The following UTP20 variants were observed in gnomAD, a reference collection of about 807,000 sequenced individuals.
UTP20 encodes UTP20 small subunit processome component.
Under a neutral mutation model 329.5 loss-of-function variants are expected in UTP20, and 164 were observed. That is an observed-to-expected ratio of 0.50 (90% CI 0.44 to 0.57). The LOEUF is 0.57. Ranked by LOEUF, UTP20 falls within the 20% of genes least tolerant of loss-of-function variation. The pLI, the probability that UTP20 is intolerant of heterozygous loss-of-function variation, is 0.00. For synonymous variants in UTP20, 1,151 were observed against 1,159.3 expected (o/e 0.99, Z 0.14); for missense variants, 3,055 against 3,284.2 (o/e 0.93, Z 1.71).
At chr12:101,377,937 C>T (rs1257164316) in intron 56 of UTP20, among the ~76,000 whole-genome samples, 1 of 152,122 alleles carries the variant, frequency 6.6e-6, no homozygotes, top group Non-Finnish European at 1.5e-5. Flanking sequence ...ATGTTAGGGT[C>T]TCAGCTGGGC....
At position 101,383,072 on chromosome 12, in the gene UTP20, T is replaced by G; in HGVS notation, c.7688T>G (p.Val2563Gly). 6.2e-7 allele frequency: 1 copy of G among 1,608,668 alleles called. No homozygotes were observed. The highest frequency in any genetic ancestry group is 8.5e-7 in the Non-Finnish European group (1 of 1,178,662). The change falls in exon 59 of 62, where the codon GTC (valine) becomes GGC (glycine). Residue 2563 changes from valine to glycine, a missense_variant. Physicochemically the swap from Val to Gly is moderately radical, Grantham distance 109. This residue lies in a region of UTP20 where 337 missense variants were observed against 345.5 expected (regional missense o/e 0.98). Transcript: ENST00000261637. ...AAGAATTTGTTGTTCGCAGCCAAAGTCTTGTATTTACTGGAACTTTATTGT... is the reference window on the plus strand; with the variant it reads ...AAGAATTTGTTGTTCGCAGCCAAAGGCTTGTATTTACTGGAACTTTATTGT... ...VVKNLLFAAK[V>G]LYLLELYCED...
chr12:101,384,110 G>T (rs985867503), intron 60 of UTP20, among the ~76,000 whole-genome samples: 11 of 152,152 alleles, frequency 7.2e-5, no homozygotes, highest in Non-Finnish European at 1.3e-4. Context: ...GTCCCAGAAA[G>T]AATGTTTCTC....
chr12:101,307,091 T>C (rs1428119116), intron 17 of UTP20, among the ~76,000 whole-genome samples: 1 of 148,500 alleles, frequency 6.7e-6, no homozygotes, highest in East Asian at 2.0e-4. Flanking sequence ...GGCAGGAGAA[T>C]GGTGTGAACC....
intron 2 of UTP20, among the ~76,000 whole-genome samples, chr12:101,282,477 T>C (rs1273578676): frequency 2.0e-5 from 3 of 152,008 alleles, no homozygotes; most frequent in Non-Finnish European, 4.4e-5. Flanking sequence ...TTTTTTTGTA[T>C]TCATGGTGAC....
chr12:101,295,224 T>G (rs1252138522), intron 11 of UTP20, among the ~76,000 whole-genome samples: 2 of 152,182 alleles, frequency 1.3e-5, no homozygotes, highest in Admixed American at 1.3e-4. Flanking sequence ...TGAGATTTAA[T>G]ACATCTGAAA....
chr12:101,353,156 A>G, intron 40 of UTP20, 27 bp downstream of exon 40: 1 of 1,480,390 alleles, frequency 6.8e-7, no homozygotes, highest in Non-Finnish European at 9.4e-7. Flanking sequence ...TTCTTAAACA[A>G]GATTTTCATC....
At position 101,314,519 on chromosome 12, in the gene UTP20, G is replaced by A. The variant is rs1165759865; in HGVS notation, c.2552+2243G>A. On this transcript the variant is annotated intron_variant, in intron 21 of 61. Coordinates refer to ENST00000261637, the MANE Select transcript of UTP20 (RefSeq NM_014503.3). ...TAAAAATACAAAAAATTAGCTAGGC[G>A]TGGTGGTGGGTGCCTGTAGTCCCAG... is the stretch of plus-strand genomic sequence containing the variant. Among the ~76,000 whole-genome samples, 12 of 152,068 alleles carry A rather than the reference G, an allele frequency of 7.9e-5. No individual in the cohort carries two copies. In the South Asian group the frequency reaches 1.5e-3, roughly 18 times the overall value.
At position 101,286,446 on chromosome 12, in the gene UTP20, C is replaced by G. The variant is rs376796297; in HGVS notation, c.452C>G (p.Ser151Trp). Reference protein sequence around the residue: ...DTELLEWAFTSLSYLYKYLWR... With the variant: ...DTELLEWAFTWLSYLYKYLWR... ...GAGTTGTTAGAATGGGCTTTCACCT[C>G]GTTATCATATCTTTATAAGTACCTG... Residue 151 changes from serine to tryptophan, a missense_variant, in exon 5 of 62, where the codon TCG becomes TGG. Ser to Trp is a radical substitution (Grantham distance 177). Transcript: ENST00000261637. The G allele has an allele frequency of 1.2e-6, 2 of 1,613,706 alleles. No homozygotes were observed. The highest frequency in any genetic ancestry group is 1.7e-6 in the Non-Finnish European group (2 of 1,179,904).
chr12:101,342,918 A>T, intron 34 of UTP20, 23 bp from the exon 35 acceptor site: 1 of 1,609,542 alleles, frequency 6.2e-7, no homozygotes, highest in Non-Finnish European at 8.5e-7. Flanking sequence ...TCTTTTATAT[A>T]ACTTCAATGG....
chr12:101,371,078 G>A lies in UTP20; in HGVS notation c.6708G>A (p.Leu2236=). ...CTTAGGCAATTTTATCAAGAAAGCT[G>A]TTGGTCCCAGAAATCGATGAGGTCA... The part of the protein sequence containing the change: ...GLLKAILSRK[L]LVPEIDEVMR... Residue 2236 remains leucine, a synonymous_variant, in exon 51 of 62, where the codon CTG becomes CTA. Coordinates refer to ENST00000261637, the MANE Select transcript of UTP20 (RefSeq NM_014503.3). 3 of 1,613,958 alleles carry A rather than the reference G, an allele frequency of 1.9e-6. No individual in the cohort carries two copies. The highest frequency in any genetic ancestry group is 2.5e-6 in the Non-Finnish European group (3 of 1,179,944).
At chr12:101,328,422 C>T (rs914136039) in intron 26 of UTP20, among the ~76,000 whole-genome samples, 2 of 152,164 alleles carry the variant, frequency 1.3e-5, no homozygotes, top group African/African-American at 4.8e-5. Context: ...TTATAAGGGA[C>T]TCTGATTTTA....
intron 15 of UTP20, among the ~76,000 whole-genome samples, chr12:101,305,119 C>G (rs1472370091): frequency 6.6e-6 from 1 of 152,000 alleles, no homozygotes; most frequent in Admixed American, 6.6e-5. Context: ...CTTTGTCAAG[C>G]CTTTTTCCCC....
intron 37 of UTP20, among the ~76,000 whole-genome samples, chr12:101,345,951 G>A (rs913274143): frequency 6.6e-6 from 1 of 152,070 alleles, no homozygotes; most frequent in African/African-American, 2.4e-5. Flanking sequence ...AATGCTTTGG[G>A]TCCATTGTTA....
In UTP20 at chr12:101,312,288, C is replaced by T; in HGVS notation, c.2552+12C>T. 1 of 1,613,202 alleles carries T rather than the reference C, an allele frequency of 6.2e-7. No homozygotes were observed. Among genetic ancestry groups the T allele is most frequent in the Non-Finnish European group, 8.5e-7 (1 of 1,179,756 alleles). On this transcript the variant is annotated intron_variant, in intron 21 of 61. Coordinates refer to ENST00000261637, the MANE Select transcript of UTP20 (RefSeq NM_014503.3). Reference sequence around the variant, plus strand: ...TTGAGATTTATCAAGTAAGTTTCCTCTTCTAAGAATATGTCCCTGGTGGGG... The same window carrying T: ...TTGAGATTTATCAAGTAAGTTTCCTTTTCTAAGAATATGTCCCTGGTGGGG...
At chr12:101,327,757 T>A (rs945762538) in intron 26 of UTP20, among the ~76,000 whole-genome samples, 1 of 152,232 alleles carries the variant, frequency 6.6e-6, no homozygotes, top group Non-Finnish European at 1.5e-5. Context: ...GTGTATACAT[T>A]GAGCTAGAGT....
chr12:101,332,523 G>A (rs954197419), intron 27 of UTP20, among the ~76,000 whole-genome samples: 20 of 152,136 alleles, frequency 1.3e-4, no homozygotes, highest in East Asian at 7.7e-4. Context: ...AATTGGCTGC[G>A]TATTTGTGAT....
chr12:101,346,457 A>C lies in UTP20; in HGVS notation c.4753A>C (p.Arg1585=). 6.3e-7 allele frequency: 1 copy of C among 1,598,402 alleles called. No homozygotes were observed. Among genetic ancestry groups the C allele is most frequent in the Non-Finnish European group, 8.5e-7 (1 of 1,175,154 alleles). Residue 1585 remains arginine (R), a synonymous_variant, in exon 38 of 62, where the codon AGA becomes CGA. Transcript: ENST00000261637. ...TATTTTATCTTACCCATAGATCCAC[A>C]GAAGAGCAAGAGCCTTGAAGAAACT... ...FENMKHIQIH[R]RARALKKLAK... is the part of the protein sequence containing the mutation.
chr12:101,365,847 A>T (rs904294446), intron 46 of UTP20, among the ~76,000 whole-genome samples: 2 of 152,224 alleles, frequency 1.3e-5, no homozygotes, highest in South Asian at 4.1e-4. Context: ...ACCATTTTTT[A>T]AAAAGATTTA....
At chr12:101,332,665 A>G (rs1466852399) in intron 27 of UTP20, among the ~76,000 whole-genome samples, 1 of 152,100 alleles carries the variant, frequency 6.6e-6, no homozygotes, top group Non-Finnish European at 1.5e-5. Flanking sequence ...CCTAAATTGC[A>G]TTTTTCTTTG....
Sources: allele counts gnomAD v4.1 joint callset (sites outside exome capture counted in the v4.1 genomes callset), GRCh38; gene constraint gnomAD v4.1.1; regional missense constraint gnomAD v4.1.1; transcripts MANE v1.5; gene names NCBI Gene and HGNC (gene_info 2026-07-23, HGNC 2026-07-21).